Variants in TTC6 observed in about 807,000 individuals in gnomAD.
TTC6 encodes the protein tetratricopeptide repeat domain 6.
Under a neutral mutation model 210.4 loss-of-function variants are expected in TTC6, and 172 were observed. The ratio of observed to expected loss-of-function variants is 0.82; its 90% CI spans 0.72 to 0.93. TTC6 has a LOEUF of 0.93. TTC6 is among the 40% of genes least tolerant of loss of function. The pLI is 0.00. For missense variants in TTC6, 2,414 were observed against 2,318.1 expected (o/e 1.04, Z -0.85); for synonymous variants, 804 against 819.6 (o/e 0.98, Z 0.32).
chr14:37,819,452 C>T (rs1169108305), intron 26 of TTC6, among the ~76,000 whole-genome samples: 6 of 152,054 alleles, frequency 3.9e-5, no homozygotes, highest in Admixed American at 3.9e-4. Flanking sequence ...GGGTTGCAGA[C>T]TTTTGAAGTA....
chr14:37,734,821 T>A (rs751016592), intron 7 of TTC6, among the ~76,000 whole-genome samples: 25 of 152,184 alleles, frequency 1.6e-4, no homozygotes, highest in Non-Finnish European at 3.5e-4. Flanking sequence ...GTTCTTTTTT[T>A]AAAATAAGCA....
Position 37,623,017 on chromosome 14 carries a change from A to C in TTC6, c.939+14A>C. 1 of 1,441,922 alleles carries C rather than the reference A, an allele frequency of 6.9e-7. No homozygotes were observed. The allele number at this position is 1,441,922 out of a possible 1,614,324, so 89.3% of individuals were successfully genotyped here. On this transcript the variant is annotated intron_variant, in intron 1 of 30. Coordinates refer to ENST00000553443, the Ensembl canonical transcript of TTC6. ...ATTACAATGGAAGTAGGTGAACCAA[A>C]ACAAGAGTAACATTTTTCCCAAATG... is the stretch of plus-strand genomic sequence containing the variant.
chr14:37,718,857 G>A (rs2138787896), intron 6 of TTC6, among the ~76,000 whole-genome samples: 1 of 152,232 alleles, frequency 6.6e-6, no homozygotes, highest in South Asian at 2.1e-4. Flanking sequence ...AAGATAACCT[G>A]AGCCTGGGAG....
chr14:37,740,492 T>A (rs993849879), intron 10 of TTC6, among the ~76,000 whole-genome samples: 3 of 146,918 alleles, frequency 2.0e-5, no homozygotes, highest in Non-Finnish European at 3.0e-5. Flanking sequence ...ATAAAAAAAA[T>A]TGTTCACTTT....
chr14:37,701,424 G>A (rs758028910), exon 5 of TTC6: 105 of 1,533,012 alleles, frequency 6.8e-5, no homozygotes, highest in Non-Finnish European at 8.9e-5. Flanking sequence ...CTGGCTTCTC[G>A]AGTGTATCAC....
intron 25 of TTC6, among the ~76,000 whole-genome samples, chr14:37,817,201 A>G (rs1342539611): frequency 6.6e-6 from 1 of 152,180 alleles, no homozygotes; most frequent in Non-Finnish European, 1.5e-5. Flanking sequence ...TTTTCTGTCT[A>G]GATAGAGAAG....
chr14:37,629,656 G>A (rs577419119), intron 1 of TTC6, among the ~76,000 whole-genome samples: 2 of 152,244 alleles, frequency 1.3e-5, no homozygotes, highest in African/African-American at 4.8e-5. Flanking sequence ...GAATAGGAGG[G>A]GTGAGAGAGG....
At chr14:37,833,831 T>C (rs1261016932) in intron 29 of TTC6, among the ~76,000 whole-genome samples, 3 of 152,208 alleles carry the variant, frequency 2.0e-5, no homozygotes, top group Non-Finnish European at 2.9e-5. Flanking sequence ...GTCTTTTGGC[T>C]GCCAGATGTA....
At chr14:37,818,260 A>C (rs757635119) in intron 26 of TTC6, among the ~76,000 whole-genome samples, 4 of 152,188 alleles carry the variant, frequency 2.6e-5, no homozygotes, top group South Asian at 2.1e-4. Context: ...AAAATATAGA[A>C]GATAATCAGC....
intron 14 of TTC6, among the ~76,000 whole-genome samples, chr14:37,769,671 C>T (rs961186114): frequency 6.6e-6 from 1 of 150,756 alleles, no homozygotes; most frequent in Non-Finnish European, 1.5e-5. Flanking sequence ...TTTTTTATTG[C>T]ATCTATTTGA....
At chr14:37,696,687 C>T in intron 3 of TTC6, 30 bp from the exon 6 acceptor site, 1 of 1,184,114 alleles carries the variant, frequency 8.4e-7, no homozygotes. Flanking sequence ...TACATCTTCT[C>T]TTAACAGCAC....
intron 1 of TTC6, among the ~76,000 whole-genome samples, chr14:37,667,218 G>A (rs558024198): frequency 6.7e-6 from 1 of 150,226 alleles, no homozygotes; most frequent in African/African-American, 2.4e-5. Context: ...GATTAGATTG[G>A]GGGAGAAGGA....
At chr14:37,690,745 G>C (rs1226886565) in intron 3 of TTC6, among the ~76,000 whole-genome samples, 1 of 151,816 alleles carries the variant, frequency 6.6e-6, no homozygotes, top group Non-Finnish European at 1.5e-5. Flanking sequence ...ATATTAGGGA[G>C]TCAAAGAGGG....
In TTC6 at chr14:37,753,102, A is replaced by AT. The variant is rs1271747701; in HGVS notation, c.3139dup (p.Tyr1047LeufsTer2). The AT allele has an allele frequency of 4.6e-6, 7 of 1,532,464 alleles. No homozygotes were observed. The Admixed American group carries it at 7.9e-5, about 17-fold the overall frequency. 94.9% of individuals were successfully genotyped at this position (1,532,464 alleles called of 1,614,324 possible). ...GTACCTCCCGCTGTCCCTATAGTGT[A>AT]TTTTTTATGATCCCAAAAGAACAGA... On this transcript the variant is annotated frameshift_variant, in exon 14 of 31. Coordinates refer to ENST00000553443, the Ensembl canonical transcript of TTC6. LOFTEE classifies it high-confidence loss of function.
chr14:37,790,632 C>A (rs2096077223), intron 15 of TTC6, 85 bp from the exon 18 acceptor site: 2 of 1,074,744 alleles, frequency 1.9e-6, no homozygotes, highest in South Asian at 1.5e-5. Context: ...TGAGAATAAG[C>A]AATAGGAAGT....
intron 14 of TTC6, among the ~76,000 whole-genome samples, chr14:37,779,263 A>G (rs1174051558): frequency 6.6e-6 from 1 of 152,012 alleles, no homozygotes; most frequent in Non-Finnish European, 1.5e-5. Context: ...GTTCATTCTC[A>G]ATGCATTCTC....
chr14:37,809,424 T>TTGTA (rs1178548517), intron 24 of TTC6, among the ~76,000 whole-genome samples: 9 of 152,058 alleles, frequency 5.9e-5, no homozygotes, highest in Non-Finnish European at 1.3e-4. Flanking sequence ...TGCTAATTTT[T>TTGTA]TGTATTTTTA....
exon 14 of TTC6, chr14:37,753,117 A>C (rs2095957308): frequency 1.3e-6 from 2 of 1,534,552 alleles, no homozygotes; most frequent in East Asian, 2.5e-5. Context: ...TTATGATCCC[A>C]AAAGAACAGA....
intron 4 of TTC6, 142 bp from the exon 7 acceptor site, chr14:37,701,190 A>G (rs1473791647): frequency 3.7e-6 from 2 of 539,944 alleles, no homozygotes; most frequent in African/African-American, 1.9e-5. Flanking sequence ...AATTTGTTAT[A>G]TACCATTATT....
Sources: allele counts gnomAD v4.1 joint callset (sites outside exome capture counted in the v4.1 genomes callset), GRCh38; gene constraint gnomAD v4.1.1; transcripts MANE v1.5; gene names NCBI Gene and HGNC (gene_info 2026-07-23, HGNC 2026-07-21).